SOBP: variants seen among roughly 807,000 people sequenced by gnomAD.
The protein encoded by SOBP is sine oculis binding protein homolog, also known as sine oculis-binding protein homolog.
In SOBP, 4 loss-of-function variants were observed where a neutral mutation model predicts 53.6. The ratio of observed to expected loss-of-function variants is 0.07; its 90% CI spans 0.04 to 0.17. SOBP has a LOEUF of 0.17. SOBP is among the 10% of genes least tolerant of loss of function. The pLI, the probability that SOBP is intolerant of heterozygous loss-of-function variation, is 1.00. For missense variants in SOBP, 1,088 were observed against 1,204.7 expected (o/e 0.90, Z 1.43); for synonymous variants, 584 against 522.6 (o/e 1.12, Z -1.60).
At chr6:107,646,239 G>A (rs1771549651) in intron 6 of SOBP, among the ~76,000 whole-genome samples, 2 of 152,270 alleles carry the variant, frequency 1.3e-5, no homozygotes, top group South Asian at 2.1e-4. Flanking sequence ...AGTATGGAAA[G>A]CCATTGTCTC....
At chr6:107,491,279 C>T (rs949740096) in intron 1 of SOBP, among the ~76,000 whole-genome samples, 20 of 152,320 alleles carry the variant, frequency 1.3e-4, no homozygotes, top group African/African-American at 4.1e-4. Context: ...CTCTCCTCGC[C>T]CGCCCCCGCC....
intron 5 of SOBP, among the ~76,000 whole-genome samples, chr6:107,631,217 A>G (rs950278098): frequency 1.3e-5 from 2 of 152,238 alleles, no homozygotes; most frequent in Non-Finnish European, 2.9e-5. Flanking sequence ...GCTAAAAAAT[A>G]AGATCCAAAA....
chr6:107,649,163 C>CA (rs61034738), intron 6 of SOBP, among the ~76,000 whole-genome samples: 622 of 40,422 alleles, frequency 0.015, 65 homozygotes, highest in East Asian at 0.08. Context: ...CCCCCACTAC[C>CA]AAAAAAAAAA....
intron 5 of SOBP, among the ~76,000 whole-genome samples, chr6:107,613,915 G>A (rs931679905): frequency 3.3e-5 from 5 of 152,200 alleles, no homozygotes; most frequent in Admixed American, 2.6e-4. Flanking sequence ...TATACCTAAG[G>A]CAGAGGAAGG....
chr6:107,650,962 A>G (rs1216181833), intron 6 of SOBP, among the ~76,000 whole-genome samples: 1 of 152,182 alleles, frequency 6.6e-6, no homozygotes, highest in African/African-American at 2.4e-5. Flanking sequence ...CTTGAAGGAA[A>G]CTAAAATTGC....
chr6:107,586,477 C>G (rs1395375729), intron 4 of SOBP, among the ~76,000 whole-genome samples: 1 of 151,180 alleles, frequency 6.6e-6, no homozygotes, highest in Admixed American at 6.6e-5. Flanking sequence ...CAGCGTAGAT[C>G]AAAATAACCA....
intron 6 of SOBP, among the ~76,000 whole-genome samples, chr6:107,654,524 C>T (rs185897703): frequency 6.7e-4 from 102 of 152,278 alleles, no homozygotes; most frequent in Non-Finnish European, 1.2e-3. Context: ...TCATGGGCTT[C>T]CTTGTATACT....
rs548768200 is a variant in SOBP at position 107,566,079 on chromosome 6, C to T, written c.574-21001C>T. On this transcript the variant is annotated intron_variant, in intron 4 of 6. Coordinates refer to ENST00000317357, the MANE Select transcript of SOBP (RefSeq NM_018013.4). ...CCACCGAAGGGTGAAAGGCTATGAA[C>T]TAATTGGCTGATTTTTTATCAAAAA... 7.2e-5 allele frequency among the ~76,000 whole-genome samples: 11 copies of T among 152,352 alleles called. No individual in the cohort carries two copies. In the East Asian group the frequency reaches 2.1e-3, roughly 29 times the overall value.
In SOBP at chr6:107,634,695, G is replaced by T. The variant is rs777993915; in HGVS notation, c.1851G>T (p.Arg617=). ...CGCCCACGCCCGCCGAGCATGGCCG[G>T]AGCGAGGTGGTGGACCTGACGCGGC... The part of the protein sequence containing the change: ...SLAPTPAEHG[R]SEVVDLTRRA... Residue 617 remains arginine (R), a synonymous_variant, in exon 6 of 7, where the codon CGG becomes CGT. Coordinates refer to ENST00000317357, the MANE Select transcript of SOBP (RefSeq NM_018013.4). The surrounding 1 kb of genome is among the most constrained non-coding windows in gnomAD (Gnocchi z 4.5). 4 of 1,515,244 alleles carry T rather than the reference G, an allele frequency of 2.6e-6. No individual in the cohort carries two copies. The highest frequency in any genetic ancestry group is 3.5e-6 in the Non-Finnish European group (4 of 1,138,558). The allele number at this position is 1,515,244 out of a possible 1,614,324, so 93.9% of individuals were successfully genotyped here.
chr6:107,659,790 C>T lies in SOBP; in HGVS notation c.*1587C>T, dbSNP rs948108710. ...GTACAGAGTCACTTCACAAGTCAAGCTACTGTTTTACAGGTGCTCCTTATT... is the reference window on the plus strand; with the variant it reads ...GTACAGAGTCACTTCACAAGTCAAGTTACTGTTTTACAGGTGCTCCTTATT... On this transcript the variant is annotated 3_prime_UTR_variant, in exon 7 of 7. Coordinates refer to ENST00000317357, the MANE Select transcript of SOBP (RefSeq NM_018013.4). 1.3e-5 allele frequency: 2 copies of T among 152,200 alleles called. No homozygotes were observed. Among genetic ancestry groups the T allele is most frequent in the Non-Finnish European group, 2.9e-5 (2 of 67,982 alleles). 9.4% of individuals were successfully genotyped at this position (152,200 alleles called of 1,614,324 possible).
chr6:107,533,322 AG>A, intron 3 of SOBP, 136 bp from the exon 4 acceptor site: 5 of 556,400 alleles, frequency 9.0e-6, no homozygotes, highest in East Asian at 7.2e-5. Flanking sequence ...AGAGAGAGAG[AG>A]AAAGAAAAAG....
At chr6:107,642,201 A>C (rs1771357446) in intron 6 of SOBP, among the ~76,000 whole-genome samples, 1 of 152,298 alleles carries the variant, frequency 6.6e-6, no homozygotes. Flanking sequence ...CTGAATACTA[A>C]CTGCAGAGAG....
At chr6:107,576,432 T>C (rs1332653062) in intron 4 of SOBP, among the ~76,000 whole-genome samples, 1 of 152,212 alleles carries the variant, frequency 6.6e-6, no homozygotes, top group Non-Finnish European at 1.5e-5. Context: ...GACAACATTA[T>C]GCAATGCTGA....
At chr6:107,494,926 G>A (rs566617230) in intron 1 of SOBP, among the ~76,000 whole-genome samples, 4 of 152,088 alleles carry the variant, frequency 2.6e-5, no homozygotes, top group African/African-American at 4.8e-5. Flanking sequence ...TTGCAGAGCC[G>A]AGCTGGTGAG....
intron 5 of SOBP, among the ~76,000 whole-genome samples, chr6:107,597,023 T>C (rs907663394): frequency 3.9e-5 from 6 of 152,202 alleles, no homozygotes; most frequent in Non-Finnish European, 5.9e-5. Context: ...CTCATTTTAG[T>C]TTGGTTTCCT....
rs897486499 is a variant in SOBP at position 107,660,984 on chromosome 6, G to A, written c.*2781G>A. ...GCGGTGACTCCGTCTGAACTCTGCC[G>A]AGGCAAGCCCAGCCAAGGACGTGCC... On this transcript the variant is annotated 3_prime_UTR_variant, in exon 7 of 7. Transcript: ENST00000317357. Among the ~76,000 whole-genome samples, 2 of 152,150 alleles carry A rather than the reference G, an allele frequency of 1.3e-5. No individual in the cohort carries two copies. Among genetic ancestry groups the A allele is most frequent in the Non-Finnish European group, 2.9e-5 (2 of 68,032 alleles).
intron 2 of SOBP, among the ~76,000 whole-genome samples, chr6:107,505,630 AGTTTTGTTTT>A (rs541414130): frequency 6.7e-6 from 1 of 149,520 alleles, no homozygotes; most frequent in Non-Finnish European, 1.5e-5. Context: ...GTCACCTCTC[AGTTTTGTTTT>A]GTTTTGTTTT....
chr6:107,609,452 G>T (rs1056816342), intron 5 of SOBP, among the ~76,000 whole-genome samples: 2 of 152,140 alleles, frequency 1.3e-5, no homozygotes, highest in Non-Finnish European at 2.9e-5. Flanking sequence ...TACACTTCCC[G>T]CTCCTCAGCA....
intron 4 of SOBP, among the ~76,000 whole-genome samples, chr6:107,556,391 A>T (rs1017651182): frequency 1.3e-5 from 2 of 152,232 alleles, no homozygotes; most frequent in African/African-American, 2.4e-5. Context: ...TACCAGTGCT[A>T]TACTTCTGTG....
Sources: gnomAD v4.1 joint callset for allele counts (sites outside exome capture counted in the v4.1 genomes callset) on GRCh38, gnomAD v4.1.1 for gene constraint, Gnocchi (gnomAD v3.1) non-coding constraint, MANE v1.5 for transcripts, NCBI Gene and HGNC (gene_info 2026-07-23, HGNC 2026-07-21) for gene names.